Variants in GNA14 observed in about 807,000 individuals in gnomAD.
The protein encoded by GNA14 is guanine nucleotide-binding protein subunit alpha-14.
GNA14 carries 50 observed loss-of-function variants against 42.0 expected under a neutral mutation model. The observed-to-expected ratio is 1.19, with a 90% confidence interval of 0.95 to 1.51. The LOEUF (loss-of-function observed/expected upper bound fraction) is 1.51, where lower values mean the gene tolerates loss of function less well. Among genes scored for constraint, GNA14 ranks in the 40% most tolerant of loss-of-function variants. The pLI, the probability that GNA14 is intolerant of heterozygous loss-of-function variation, is 0.00. For synonymous variants in GNA14, 173 were observed against 163.1 expected (o/e 1.06, Z -0.46); for missense variants, 473 against 446.2 (o/e 1.06, Z -0.54).
intron 2 of GNA14, among the ~76,000 whole-genome samples, chr9:77,480,945 CTTTA>C (rs1053424978): frequency 2.0e-5 from 3 of 151,988 alleles, no homozygotes; most frequent in African/African-American, 7.3e-5. Flanking sequence ...CTCTTTTCTT[CTTTA>C]TTAGTCTTGC....
At chr9:77,491,748 C>T (rs146432008) in intron 2 of GNA14, among the ~76,000 whole-genome samples, 2 of 152,278 alleles carry the variant, frequency 1.3e-5, no homozygotes, top group Non-Finnish European at 2.9e-5. Flanking sequence ...CAGTAATGGA[C>T]AGATCATGCA....
At chr9:77,457,219 G>A (rs1020251819) in intron 2 of GNA14, among the ~76,000 whole-genome samples, 6 of 152,238 alleles carry the variant, frequency 3.9e-5, no homozygotes, top group Admixed American at 1.3e-4. Flanking sequence ...GAGAGAAAGA[G>A]AGAGACAAGG....
chr9:77,453,977 T>A (rs1442349462), intron 2 of GNA14, among the ~76,000 whole-genome samples: 1 of 152,250 alleles, frequency 6.6e-6, no homozygotes, highest in East Asian at 1.9e-4. Context: ...CTGCAGTTTC[T>A]GCTAATGCTC....
At chr9:77,526,330 A>C (rs1303333434) in intron 2 of GNA14, among the ~76,000 whole-genome samples, 4 of 152,094 alleles carry the variant, frequency 2.6e-5, no homozygotes, top group Non-Finnish European at 5.9e-5. Context: ...CATGGGATGG[A>C]CATGAATCTT....
chr9:77,469,006 T>C (rs1231293624), intron 2 of GNA14, among the ~76,000 whole-genome samples: 2 of 152,158 alleles, frequency 1.3e-5, no homozygotes, highest in Non-Finnish European at 2.9e-5. Flanking sequence ...GTCAGTTTCA[T>C]CTTTTGATGT....
intron 1 of GNA14, among the ~76,000 whole-genome samples, chr9:77,576,241 G>C (rs1381842764): frequency 6.6e-6 from 1 of 152,100 alleles, no homozygotes; most frequent in Non-Finnish European, 1.5e-5. Flanking sequence ...TTGAAAGAGA[G>C]GGTAATTTGC....
At chr9:77,492,895 G>T (rs1316827859) in intron 2 of GNA14, among the ~76,000 whole-genome samples, 1 of 150,918 alleles carries the variant, frequency 6.6e-6, no homozygotes, top group Non-Finnish European at 1.5e-5. Context: ...CAGCTACTCG[G>T]GAGGCTGAGG....
chr9:77,425,657 A>T lies in GNA14; in HGVS notation c.782T>A (p.Leu261Gln). The T allele has an allele frequency of 6.2e-7, 1 of 1,610,030 alleles. No homozygotes were observed. Among genetic ancestry groups the T allele is most frequent in the Middle Eastern group, 1.7e-4 (1 of 6,048 alleles). Residue 261 changes from leucine (L) to glutamine (Q), a missense_variant, in exon 6 of 7, where the codon CTG becomes CAG. By Grantham distance (113) the Leu-to-Gln change is moderately radical (BLOSUM62 -2). Coordinates refer to ENST00000341700, the MANE Select transcript of GNA14 (RefSeq NM_004297.4). ...CAAGAATAAAATCACAGACGAATTCAGAAACCAGGGGTAGGTGATGATGGT... is the reference window on the plus strand; with the variant it reads ...CAAGAATAAAATCACAGACGAATTCTGAAACCAGGGGTAGGTGATGATGGT... The part of the protein sequence containing the change: ...FKTIITYPWF[L>Q]NSSVILFLNK...
chr9:77,501,037 C>T (rs1456798261), intron 2 of GNA14, among the ~76,000 whole-genome samples: 1 of 152,122 alleles, frequency 6.6e-6, no homozygotes, highest in East Asian at 1.9e-4. Flanking sequence ...TCACTGCAAC[C>T]TCCGCCTCCC....
chr9:77,593,317 T>C (rs774043760), intron 1 of GNA14, among the ~76,000 whole-genome samples: 1 of 150,010 alleles, frequency 6.7e-6, no homozygotes, highest in Non-Finnish European at 1.5e-5. Flanking sequence ...ATGATCAAAA[T>C]ACCCTCCCTA....
intron 1 of GNA14, among the ~76,000 whole-genome samples, chr9:77,544,949 A>G (rs1443864): frequency 0.72 from 109,378 of 151,958 alleles, 39,808 homozygotes; most frequent in African/African-American, 0.81. Context: ...ACACTACAGC[A>G]GTTAACACAA....
intron 2 of GNA14, among the ~76,000 whole-genome samples, chr9:77,506,197 G>T (rs1045953618): frequency 1.3e-5 from 2 of 151,168 alleles, no homozygotes; most frequent in African/African-American, 4.9e-5. Flanking sequence ...TGGGAGGATT[G>T]CTTGAGCTCA....
At chr9:77,440,771 A>G (rs1243742149) in intron 2 of GNA14, among the ~76,000 whole-genome samples, 2 of 152,026 alleles carry the variant, frequency 1.3e-5, no homozygotes, top group Non-Finnish European at 2.9e-5. Context: ...GCTGGAGTGC[A>G]GTGGCGCAAT....
intron 2 of GNA14, among the ~76,000 whole-genome samples, chr9:77,510,383 T>A (rs534633469): frequency 3.5e-4 from 53 of 152,340 alleles, no homozygotes; most frequent in African/African-American, 1.3e-3. Flanking sequence ...TCACCCAGGC[T>A]GGACTGCAGT....
rs374201106 is a variant in GNA14 at position 77,472,151 on chromosome 9, G to C, written c.310-37629C>G. On this transcript the variant is annotated intron_variant, in intron 2 of 6. Transcript: ENST00000341700. ...GTCACTAAGCCCCCAAAATGATTTA[G>C]AGATAAAATACCCTTGGAAATCTGT... 6.5e-4 allele frequency among the ~76,000 whole-genome samples: 99 copies of C among 152,244 alleles called. 4 individuals are homozygous for C. In the South Asian group the frequency reaches 0.02, roughly 31 times the overall value.
At chr9:77,608,349 A>G (rs980284677) in intron 1 of GNA14, among the ~76,000 whole-genome samples, 3 of 152,210 alleles carry the variant, frequency 2.0e-5, no homozygotes, top group African/African-American at 7.2e-5. Context: ...ATTTTGCTTC[A>G]GGATGAATCG....
intron 2 of GNA14, among the ~76,000 whole-genome samples, chr9:77,510,168 C>A (rs1399821710): frequency 6.6e-6 from 1 of 152,114 alleles, no homozygotes; most frequent in African/African-American, 2.4e-5. Flanking sequence ...TCTTCTTTTT[C>A]TCTCTATTGA....
At position 77,529,101 on chromosome 9, in the gene GNA14, G is replaced by C; in HGVS notation, c.277C>G (p.Leu93Val). Residue 93 changes from leucine to valine, a missense_variant, in exon 2 of 7, where the codon CTA (leucine) becomes GTA (valine). By Grantham distance (32) the Leu-to-Val change is conservative. Transcript: ENST00000341700. Reference sequence around the variant, plus strand: ...TGTTCACACACATACTGTATCCTTAGCGTGTCCATCGCTCTGATCATGGCT... The same window carrying C: ...TGTTCACACACATACTGTATCCTTACCGTGTCCATCGCTCTGATCATGGCT... ...MQAMIRAMDT[L>V]RIQYVCEQNK... 6.2e-7 allele frequency: 1 copy of C among 1,614,172 alleles called. No homozygotes were observed. Among genetic ancestry groups the C allele is most frequent in the Non-Finnish European group, 8.5e-7 (1 of 1,180,012 alleles).
At position 77,598,205 on chromosome 9, in the gene GNA14, G is replaced by A. The variant is rs145884709; in HGVS notation, c.124+49465C>T. On this transcript the variant is annotated intron_variant, in intron 1 of 6. Coordinates refer to ENST00000341700, the MANE Select transcript of GNA14 (RefSeq NM_004297.4). ...GGCAAAGAACTCTATTACTTTTAGG[G>A]GTTCTATCACCCAAAAAGTTTGGAG... 6.2e-3 allele frequency among the ~76,000 whole-genome samples: 939 copies of A among 152,192 alleles called. 5 individuals carry two copies. The highest frequency in any genetic ancestry group is 0.01 in the Non-Finnish European group (702 of 68,008).
Sources: gnomAD v4.1 joint callset for allele counts (sites outside exome capture counted in the v4.1 genomes callset) on GRCh38, gnomAD v4.1.1 for gene constraint, MANE v1.5 for transcripts, NCBI Gene and HGNC (gene_info 2026-07-23, HGNC 2026-07-21) for gene names.